DLGAP2: variants seen among roughly 807,000 people sequenced by gnomAD.
DLGAP2 encodes the protein disks large-associated protein 2.
DLGAP2 carries 26 observed loss-of-function variants against 100.3 expected under a neutral mutation model. That is an observed-to-expected ratio of 0.26 (90% CI 0.19 to 0.36). The LOEUF (loss-of-function observed/expected upper bound fraction) is 0.36. Among genes scored for constraint, DLGAP2 ranks in the 10% least tolerant of loss-of-function variants. The probability of loss-of-function intolerance (pLI) is 1.00; values close to 1 mark genes in which losing one functional copy is unlikely to be tolerated. For synonymous variants in DLGAP2, 886 were observed against 630.1 expected (o/e 1.41, Z -6.08); for missense variants, 1,858 against 1,453.2 (o/e 1.28, Z -4.53).
intron 1 of DLGAP2, among the ~76,000 whole-genome samples, chr8:754,757 G>A (rs549153832): frequency 7.6e-4 from 115 of 152,252 alleles, no homozygotes; most frequent in African/African-American, 2.5e-3. Flanking sequence ...TGGGAGGATC[G>A]CTTGAGTCCA....
chr8:1,010,502 A>G (rs571405075), intron 2 of DLGAP2, among the ~76,000 whole-genome samples: 70 of 152,334 alleles, frequency 4.6e-4, no homozygotes, highest in African/African-American at 1.6e-3. Context: ...CATTACCCAC[A>G]TATGGGCACA....
At chr8:1,084,273 T>TTA (rs1179202290) in intron 2 of DLGAP2, among the ~76,000 whole-genome samples, 4 of 152,236 alleles carry the variant, frequency 2.6e-5, no homozygotes, top group Admixed American at 2.0e-4. Context: ...TATTGATAAA[T>TTA]TATAGTTGCA....
chr8:1,687,254 A>C (rs1799138968), intron 12 of DLGAP2, among the ~76,000 whole-genome samples: 1 of 152,328 alleles, frequency 6.6e-6, no homozygotes, highest in South Asian at 2.1e-4. Context: ...TTCATACCAA[A>C]TTTAGATAGA....
intron 3 of DLGAP2, among the ~76,000 whole-genome samples, chr8:1,491,361 C>CCTGACCCCAGAGGCTTCGGGCCGCTCCCG: frequency 6.6e-6 from 1 of 152,162 alleles, no homozygotes; most frequent in Non-Finnish European, 1.5e-5. Flanking sequence ...GGCCGCTCCC[C>CCTGACCCCAGAGGCTTCGGGCCGCTCCCG]CTGACCCCGG....
chr8:1,658,725 C>G (rs535491698), intron 8 of DLGAP2, among the ~76,000 whole-genome samples: 4 of 152,028 alleles, frequency 2.6e-5, no homozygotes, highest in Non-Finnish European at 5.9e-5. Flanking sequence ...CTATTTGATT[C>G]TTCTCTCTTC....
chr8:797,699 G>A (rs965077451), intron 1 of DLGAP2, among the ~76,000 whole-genome samples: 1 of 152,100 alleles, frequency 6.6e-6, no homozygotes, highest in South Asian at 2.1e-4. Context: ...CTGGCTCTCC[G>A]GGTCCTCATC....
chr8:1,221,665 T>A (rs1234709132), intron 2 of DLGAP2, among the ~76,000 whole-genome samples: 1 of 152,234 alleles, frequency 6.6e-6, no homozygotes, highest in African/African-American at 2.4e-5. Context: ...GAGGAAATTT[T>A]CATGGACAGC....
intron 10 of DLGAP2, among the ~76,000 whole-genome samples, chr8:1,670,467 G>T (rs537271219): frequency 6.6e-6 from 1 of 152,290 alleles, no homozygotes; most frequent in African/African-American, 2.4e-5. Flanking sequence ...CTTCCCGGAG[G>T]CCTCTCTGGA....
At chr8:1,663,252 C>T (rs538155761) in intron 8 of DLGAP2, among the ~76,000 whole-genome samples, 4 of 151,946 alleles carry the variant, frequency 2.6e-5, no homozygotes, top group East Asian at 3.9e-4. Context: ...CATGCACATG[C>T]GCACTCCAAG....
Position 1,090,940 on chromosome 8 carries a change from C to T in DLGAP2, c.74-167911C>T, listed in dbSNP as rs1447894778. Among the ~76,000 whole-genome samples, 3 of 152,178 alleles carry T rather than the reference C, an allele frequency of 2.0e-5. No individual in the cohort carries two copies. In the East Asian group the frequency reaches 5.8e-4, roughly 29 times the overall value. ...TATTCCAGTGGCTTGGAGTACTTAG[C>T]TAAACTGATTACTTTGGAAGAACAT... On this transcript the variant is annotated intron_variant, in intron 2 of 14. Transcript: ENST00000637795.
At chr8:779,753 C>T (rs542250409) in intron 1 of DLGAP2, among the ~76,000 whole-genome samples, 15 of 152,288 alleles carry the variant, frequency 9.8e-5, no homozygotes, top group South Asian at 6.2e-4. Context: ...CAGGGAATAT[C>T]TGTAGCAGGG....
chr8:1,678,162 A>G, intron 11 of DLGAP2, 52 bp from the exon 12 acceptor site: 1 of 1,554,102 alleles, frequency 6.4e-7, no homozygotes, highest in Non-Finnish European at 8.7e-7. Flanking sequence ...ACTTTGTTGC[A>G]TGAAGTCCTC....
At chr8:827,456 C>G (rs1796703097) in intron 1 of DLGAP2, among the ~76,000 whole-genome samples, 3 of 152,182 alleles carry the variant, frequency 2.0e-5, no homozygotes. Flanking sequence ...ACTGAACTTA[C>G]TCAAACGGTT....
intron 1 of DLGAP2, among the ~76,000 whole-genome samples, chr8:818,682 C>T (rs990402465): frequency 1.3e-5 from 2 of 152,150 alleles, no homozygotes; most frequent in African/African-American, 2.4e-5. Flanking sequence ...TTTAAAAGAA[C>T]ATGTGCAAAC....
chr8:1,484,586 G>T (rs916031914), intron 3 of DLGAP2, among the ~76,000 whole-genome samples: 1 of 152,208 alleles, frequency 6.6e-6, no homozygotes, highest in Non-Finnish European at 1.5e-5. Context: ...GGAGGTTCAC[G>T]CTGATTCAGA....
intron 3 of DLGAP2, among the ~76,000 whole-genome samples, chr8:1,290,667 C>T (rs1421106605): frequency 6.6e-6 from 1 of 152,180 alleles, no homozygotes. Context: ...TAATTTCCTC[C>T]CATCCACTTT....
intron 2 of DLGAP2, among the ~76,000 whole-genome samples, chr8:943,969 A>G (rs1799255227): frequency 6.6e-6 from 1 of 152,252 alleles, no homozygotes; most frequent in African/African-American, 2.4e-5. Context: ...GAAGACATCA[A>G]GATCTCCCTG....
chr8:899,789 C>G (rs1464341015), intron 1 of DLGAP2, among the ~76,000 whole-genome samples: 1 of 152,160 alleles, frequency 6.6e-6, no homozygotes, highest in Non-Finnish European at 1.5e-5. Context: ...AGCGTGTATT[C>G]ACATCTCAGG....
At chr8:1,537,457 G>C (rs1801191624) in intron 4 of DLGAP2, among the ~76,000 whole-genome samples, 1 of 152,092 alleles carries the variant, frequency 6.6e-6, no homozygotes, top group South Asian at 2.1e-4. Context: ...ATTCTCCCAT[G>C]CCTGCCACCA....
Sources: allele counts gnomAD v4.1 joint callset (sites outside exome capture counted in the v4.1 genomes callset), GRCh38; gene constraint gnomAD v4.1.1; transcripts MANE v1.5; gene names NCBI Gene and HGNC (gene_info 2026-07-23, HGNC 2026-07-21).